Variants in NCKAP5L observed in about 807,000 individuals in gnomAD.
NCKAP5L encodes the protein nck-associated protein 5-like.
In NCKAP5L, 54 loss-of-function variants were observed where a neutral mutation model predicts 103.2. The observed-to-expected ratio is 0.52, with a 90% CI of 0.42 to 0.66. NCKAP5L has a LOEUF of 0.66. NCKAP5L is among the 30% of genes least tolerant of loss of function. NCKAP5L has a pLI of 0.00. For missense variants in NCKAP5L, 1,733 were observed against 1,750.6 expected, an observed-to-expected ratio of 0.99 and a Z score of 0.18; for synonymous variants, 762 against 748.6, an observed-to-expected ratio of 1.02 and a Z score of -0.29.
rs184222574 is a variant in NCKAP5L, at chr12:49,825,492, C to T, written c.-99+2830G>A. On this transcript the variant is annotated intron_variant, in intron 1 of 12. Coordinates refer to ENST00000335999, the MANE Select transcript of NCKAP5L (RefSeq NM_001037806.4). ...TCAGGCAAGGGCCCTTTCTCTTCCT[C>T]CTTCTAACGGGGCCTCTGGCTGGCC... is the stretch of plus-strand genomic sequence containing the variant. Among the ~76,000 whole-genome samples the T allele has an allele frequency of 5.3e-5, 8 of 152,350 alleles. No homozygotes were observed. The East Asian group carries it at 1.5e-3, about 29-fold the overall frequency.
In NCKAP5L at chr12:49,797,505, G is replaced by T. The variant is rs1201562926; in HGVS notation, c.466-111C>A. ...GGAATGCCAGGAACAGAGCTGGCCT[G>T]GTTGTGTCTGTGTCCCCAAAAGGAA... On this transcript the variant is annotated intron_variant, in intron 7 of 12. Transcript: ENST00000335999. The surrounding 1 kb of genome is among the most constrained non-coding windows in gnomAD (Gnocchi z 4.5). The T allele has an allele frequency of 6.4e-6, 5 of 782,112 alleles. No individual in the cohort carries two copies. Among genetic ancestry groups the T allele is most frequent in the Admixed American group, 2.9e-5 (1 of 34,344 alleles). 48.4% of individuals were successfully genotyped at this position (782,112 alleles called of 1,614,324 possible).
Position 49,795,385 on chromosome 12 carries a change from C to A in NCKAP5L, c.2475G>T (p.Lys825Asn). The change falls in exon 8 of 13, where the codon AAG becomes AAT. Residue 825 changes from lysine (K) to asparagine (N), a missense_variant. Lys to Asn is a moderately conservative substitution (Grantham distance 94). Coordinates refer to ENST00000335999, the MANE Select transcript of NCKAP5L (RefSeq NM_001037806.4). ...GCGGAGCCCCAGGTCGAGGCACCACCTTGGTTGGTGACTTGGAAGGGAGCT... is the reference window on the plus strand; with the variant it reads ...GCGGAGCCCCAGGTCGAGGCACCACATTGGTTGGTGACTTGGAAGGGAGCT... ...PTKLPSKSPT[K>N]VVPRPGAPLV... The A allele has an allele frequency of 6.4e-7, 1 of 1,570,690 alleles. No individual in the cohort carries two copies. The highest frequency in any genetic ancestry group is 8.6e-7 in the Non-Finnish European group (1 of 1,162,810).
At chr12:49,810,912 A>G (rs1946232782) in intron 1 of NCKAP5L, among the ~76,000 whole-genome samples, 1 of 152,226 alleles carries the variant, frequency 6.6e-6, no homozygotes, top group Admixed American at 6.5e-5. Flanking sequence ...TCCTCAGACC[A>G]AAAAGTTGGA....
chr12:49,793,330 C>T (rs1390077720), intron 10 of NCKAP5L, 22 bp downstream of exon 10: 1 of 1,599,110 alleles, frequency 6.3e-7, no homozygotes, highest in South Asian at 1.1e-5. Context: ...CAGGCCCATC[C>T]TCAGCCCCTG....
chr12:49,801,342 C>T (rs1292853661), intron 6 of NCKAP5L, among the ~76,000 whole-genome samples: 1 of 152,192 alleles, frequency 6.6e-6, no homozygotes, highest in African/African-American at 2.4e-5. Context: ...TCAAGTGACA[C>T]CTTAACTCAG....
intron 1 of NCKAP5L, among the ~76,000 whole-genome samples, chr12:49,820,303 A>C (rs1206332303): frequency 1.2e-4 from 14 of 119,714 alleles, no homozygotes; most frequent in South Asian, 2.7e-4. Context: ...CCCAAACTTT[A>C]TCTCCTGGCC....
Position 49,796,116 on chromosome 12 carries a change from G to A in NCKAP5L, c.1744C>T (p.Pro582Ser), listed in dbSNP as rs1331770624. The part of the protein sequence containing the change: ...PEPPPSPLQV[P>S]TYPQLTLEVP... The stretch of plus-strand genomic sequence containing the variant: ...TCCAGAGTTAGCTGTGGGTAGGTGG[G>A]CACCTGCAGTGGGGATGGAGGTGGC... The change falls in exon 8 of 13, where the codon CCC becomes TCC. Residue 582 changes from proline to serine, a missense_variant. Pro to Ser is a moderately conservative substitution (Grantham distance 74). Coordinates refer to ENST00000335999, the MANE Select transcript of NCKAP5L (RefSeq NM_001037806.4). 6.2e-7 allele frequency: 1 copy of A among 1,610,704 alleles called. No individual in the cohort carries two copies.
Position 49,803,154 on chromosome 12 carries a change from C to G in NCKAP5L, c.135G>C (p.Ser45=), listed in dbSNP as rs190636882. The change falls in exon 4 of 13, where the codon TCG becomes TCC. Residue 45 remains serine, a synonymous_variant. Coordinates refer to ENST00000335999, the MANE Select transcript of NCKAP5L (RefSeq NM_001037806.4). ...GGTTTTCGTTGGCCTGGGCAAGTGC[C>G]GAGTTCTCTGCCTGCAGGAGTGAGG... ...HRLRELEAEN[S]ALAQANENQR... is the part of the protein sequence containing the mutation. The G allele has an allele frequency of 1.9e-6, 3 of 1,614,046 alleles. No individual in the cohort carries two copies. In the South Asian group the frequency reaches 3.3e-5, roughly 18 times the overall value.
chr12:49,797,894 G>C lies in NCKAP5L; in HGVS notation c.465+456C>G, dbSNP rs548734493. On this transcript the variant is annotated intron_variant, in intron 7 of 12. Coordinates refer to ENST00000335999, the MANE Select transcript of NCKAP5L (RefSeq NM_001037806.4). This position sits in a 1 kb window ranked among gnomAD's most constrained non-coding sequence, Gnocchi z 4.5. Reference sequence around the variant, plus strand: ...CATCCCCAGCAGAAAGGGGTTGGGGGTGACGCCATGCCCAGCCCTTTCTCA... The same window carrying C: ...CATCCCCAGCAGAAAGGGGTTGGGGCTGACGCCATGCCCAGCCCTTTCTCA... Among the ~76,000 whole-genome samples the C allele has an allele frequency of 2.5e-4, 38 of 152,298 alleles. No individual in the cohort carries two copies. Among genetic ancestry groups the C allele is most frequent in the African/African-American group, 8.7e-4 (36 of 41,554 alleles).
intron 3 of NCKAP5L, 26 bp downstream of exon 3, chr12:49,803,896 T>A: frequency 6.3e-7 from 1 of 1,599,894 alleles, no homozygotes; most frequent in South Asian, 1.1e-5. Context: ...CTGGCACTGC[T>A]GCCCCTACCA....
In NCKAP5L at chr12:49,822,528, G is replaced by A. The variant is rs569288210; in HGVS notation, c.-99+5794C>T. ...CTAATAAATGATTATGGGGGAGAAC[G>A]CGATGGAGGTGGGAGTGAGATTTTT... On this transcript the variant is annotated intron_variant, in intron 1 of 12. Transcript: ENST00000335999. Among the ~76,000 whole-genome samples the A allele has an allele frequency of 5.1e-4, 78 of 151,926 alleles. 3 individuals are homozygous for A. In the South Asian group the frequency reaches 0.015, roughly 30 times the overall value.
In NCKAP5L at chr12:49,796,177, G is replaced by A. The variant is rs1354954002; in HGVS notation, c.1683C>T (p.Asp561=). Residue 561 remains aspartate (D), a synonymous_variant, in exon 8 of 13, where the codon GAC becomes GAT. Coordinates refer to ENST00000335999, the MANE Select transcript of NCKAP5L (RefSeq NM_001037806.4). The part of the protein sequence containing the change: ...VVSPCYENIL[D]LSRSTFRGPS... ...GCCCCCTAAAGGTGCTCCGAGAAAG[G>A]TCCAGAATGTTCTCATAGCAGGGAG... 1.2e-6 allele frequency: 2 copies of A among 1,608,304 alleles called. No homozygotes were observed. The highest frequency in any genetic ancestry group is 2.2e-5 in the East Asian group (1 of 44,862).
In NCKAP5L at chr12:49,802,956, A is replaced by T; in HGVS notation, c.231+2T>A. 1 of 1,613,862 alleles carries T rather than the reference A, an allele frequency of 6.2e-7. No homozygotes were observed. The highest frequency in any genetic ancestry group is 1.7e-4 in the Middle Eastern group (1 of 6,004). On this transcript the variant is annotated splice_donor_variant, in intron 5 of 12. Coordinates refer to ENST00000335999, the MANE Select transcript of NCKAP5L (RefSeq NM_001037806.4). LOFTEE classifies it high-confidence loss of function. ...TCTCCCCAGGGTGTCTGGGTTACTC[A>T]CCTTCTGGTTCAGCAACGCCTGTAC... is the stretch of plus-strand genomic sequence containing the variant.
chr12:49,810,759 T>C (rs939235699), intron 1 of NCKAP5L, among the ~76,000 whole-genome samples: 4 of 152,220 alleles, frequency 2.6e-5, no homozygotes, highest in African/African-American at 9.6e-5. Flanking sequence ...TTTTGGAACA[T>C]ATACAATTAA....
At chr12:49,809,059 T>C (rs1162866121) in intron 1 of NCKAP5L, among the ~76,000 whole-genome samples, 1 of 151,736 alleles carries the variant, frequency 6.6e-6, no homozygotes, top group Non-Finnish European at 1.5e-5. Flanking sequence ...GGGGCCAGTT[T>C]TCAGGCAGCC....
chr12:49,796,024 C>T lies in NCKAP5L; in HGVS notation c.1836G>A (p.Ser612=), dbSNP rs2720298. Residue 612 remains serine (S), a synonymous_variant, in exon 8 of 13, where the codon TCG becomes TCA. Transcript: ENST00000335999. The stretch of plus-strand genomic sequence containing the variant: ...TCTCTTGGGGGCTCCCATAGGGGTA[C>T]GATTCTGGGAGGCAAGGACTGGGGG... The part of the protein sequence containing the change: ...GVPPSPCLPE[S]YPYGSPQEKS... 19 of 1,551,100 alleles carry T rather than the reference C, an allele frequency of 1.2e-5. No homozygotes were observed. The highest frequency in any genetic ancestry group is 2.2e-5 in the East Asian group (1 of 44,478).
At chr12:49,808,237 C>T (rs1012777848) in intron 1 of NCKAP5L, among the ~76,000 whole-genome samples, 8 of 152,180 alleles carry the variant, frequency 5.3e-5, no homozygotes, top group East Asian at 1.9e-4. Context: ...GGAGACCCTC[C>T]GATTTATGAG....
At position 49,797,363 on chromosome 12, in the gene NCKAP5L, C is replaced by T. The variant is rs756375507; in HGVS notation, c.497G>A (p.Gly166Asp). ...GGGTGGGGCGGCTGGGGGGCCTGGG[C>T]CTCCTGGCCTCAGCTGCTGCTCCCA... ...VCWEQQLRPG[G>D]PGPPAAPPPA... The change falls in exon 8 of 13, where the codon GGC (glycine) becomes GAC (aspartate). Residue 166 changes from glycine (G) to aspartate (D), a missense_variant. Coordinates refer to ENST00000335999, the MANE Select transcript of NCKAP5L (RefSeq NM_001037806.4). The surrounding 1 kb of genome is among the most constrained non-coding windows in gnomAD (Gnocchi z 4.5). 2 of 1,609,408 alleles carry T rather than the reference C, an allele frequency of 1.2e-6. No homozygotes were observed. Among genetic ancestry groups the T allele is most frequent in the Non-Finnish European group, 1.7e-6 (2 of 1,178,528 alleles).
chr12:49,804,587 A>G (rs1946159027), intron 2 of NCKAP5L: 1 of 152,320 alleles, frequency 6.6e-6, no homozygotes, highest in African/African-American at 2.4e-5. Context: ...GAGCAGGCAC[A>G]TGCTTTAGAT....
Sources: allele counts gnomAD v4.1 joint callset (sites outside exome capture counted in the v4.1 genomes callset), GRCh38; gene constraint gnomAD v4.1.1; non-coding constraint Gnocchi (gnomAD v3.1); transcripts MANE v1.5; gene names NCBI Gene and HGNC (gene_info 2026-07-23, HGNC 2026-07-21).